NRXN3: variants seen among roughly 807,000 people sequenced by gnomAD.
NRXN3 encodes neurexin 3.
A neutral mutation model predicts 137.6 loss-of-function variants in NRXN3; 32 were observed. The observed-to-expected ratio is 0.23, with a 90% CI of 0.18 to 0.31. The LOEUF (loss-of-function observed/expected upper bound fraction) is 0.31. NRXN3 is among the 10% of genes least tolerant of loss of function. The pLI, the probability that NRXN3 is intolerant of heterozygous loss-of-function variation, is 1.00. For synonymous variants in NRXN3, 798 were observed against 784.5 expected (o/e 1.02, Z -0.29); for missense variants, 1,574 against 2,062.5 (o/e 0.76, Z 4.59).
intron 15 of NRXN3, among the ~76,000 whole-genome samples, chr14:79,274,835 C>T (rs2080024506): frequency 6.6e-6 from 1 of 152,004 alleles, no homozygotes; most frequent in African/African-American, 2.4e-5. Flanking sequence ...CCTATTTCAG[C>T]CACAGGGAGG....
intron 6 of NRXN3, among the ~76,000 whole-genome samples, chr14:78,708,948 TTA>T (rs2098383342): frequency 6.6e-6 from 1 of 152,250 alleles, no homozygotes; most frequent in Non-Finnish European, 1.5e-5. Context: ...ATTTGCAAGC[TTA>T]TGTTGTATAA....
chr14:79,568,009 A>T (rs2097565898), intron 16 of NRXN3, among the ~76,000 whole-genome samples: 1 of 152,180 alleles, frequency 6.6e-6, no homozygotes, highest in Admixed American at 6.6e-5. Context: ...CCAAAACAAG[A>T]GTACCTCTGT....
chr14:78,500,724 C>T (rs1026955410), intron 4 of NRXN3, among the ~76,000 whole-genome samples: 1 of 152,080 alleles, frequency 6.6e-6, no homozygotes, highest in African/African-American at 2.4e-5. Flanking sequence ...AGGAAAAGCT[C>T]CCTTATAATT....
rs1348762100 is a variant in NRXN3 at position 78,943,622 on chromosome 14, ATATATATATATATATATATATATATATAT to A, written c.2276-13619_2276-13591del. Among the ~76,000 whole-genome samples the A allele has an allele frequency of 7.0e-4, 17 of 24,278 alleles. 1 individual carries two copies. The highest frequency in any genetic ancestry group is 1.6e-3 in the South Asian group (1 of 644). The allele number at this position is 24,278 out of a possible 152,430, so 15.9% of individuals were successfully genotyped here. On this transcript the variant is annotated intron_variant, in intron 10 of 20. Coordinates refer to ENST00000335750, the MANE Select transcript of NRXN3 (RefSeq NM_001330195.2). ...GCAAGATCACTGTTAAAAAAAAAAAATATATATATATATATATATATATATATATATATATATATATATATATATATATA... is the reference window on the plus strand; with the variant it reads ...GCAAGATCACTGTTAAAAAAAAAAAAATATATATATATATATATATATATA...
intron 4 of NRXN3, among the ~76,000 whole-genome samples, chr14:78,298,155 C>T (rs1418847187): frequency 3.3e-5 from 5 of 152,222 alleles, no homozygotes; most frequent in African/African-American, 4.8e-5. Flanking sequence ...CCAGGCATGA[C>T]GGTGTCGATA....
intron 15 of NRXN3, chr14:79,279,248 T>A (rs1314885409): frequency 1.6e-6 from 1 of 628,070 alleles, no homozygotes; most frequent in Non-Finnish European, 2.0e-6. Context: ...GGATTCCGGG[T>A]CGCTCTGGCC....
chr14:79,276,530 A>G (rs932542359), intron 15 of NRXN3, among the ~76,000 whole-genome samples: 1 of 152,186 alleles, frequency 6.6e-6, no homozygotes, highest in African/African-American at 2.4e-5. Context: ...AATTATAAGT[A>G]TGACAAGTGA....
chr14:79,252,735 G>C (rs1173952652), intron 15 of NRXN3, among the ~76,000 whole-genome samples: 1 of 152,202 alleles, frequency 6.6e-6, no homozygotes. Context: ...AAATACAACA[G>C]AGGAGTGAGG....
Position 79,063,886 on chromosome 14 carries a change from T to A in NRXN3, c.3262+75745T>A, listed in dbSNP as rs577026601. Among the ~76,000 whole-genome samples the A allele has an allele frequency of 7.2e-5, 11 of 152,270 alleles. No individual in the cohort carries two copies. The East Asian group carries it at 2.1e-3, about 29-fold the overall frequency. ...ATATTGACTTGAGAAAAAATAAAAA[T>A]ATTGATACAGAAAAAAGAGAATGCA... On this transcript the variant is annotated intron_variant, in intron 15 of 20. Coordinates refer to ENST00000335750, the MANE Select transcript of NRXN3 (RefSeq NM_001330195.2).
intron 16 of NRXN3, among the ~76,000 whole-genome samples, chr14:79,597,381 T>G (rs144891658): frequency 6.6e-6 from 1 of 152,182 alleles, no homozygotes; most frequent in Non-Finnish European, 1.5e-5. Flanking sequence ...GTGATTTAAA[T>G]TAGTTTGCAT....
chr14:78,964,436 A>G (rs572030199), intron 11 of NRXN3, among the ~76,000 whole-genome samples: 2 of 152,190 alleles, frequency 1.3e-5, no homozygotes, highest in Non-Finnish European at 2.9e-5. Context: ...GACATTTCTG[A>G]AGGCAGCTTG....
intron 4 of NRXN3, among the ~76,000 whole-genome samples, chr14:78,566,380 G>GTT (rs11295522): frequency 3.4e-5 from 5 of 146,210 alleles, no homozygotes; most frequent in African/African-American, 5.0e-5. Flanking sequence ...TAAAATGTTG[G>GTT]TTTTTTTTTT....
At chr14:79,431,659 G>A (rs557812660) in intron 15 of NRXN3, among the ~76,000 whole-genome samples, 1 of 152,142 alleles carries the variant, frequency 6.6e-6, no homozygotes, top group Admixed American at 6.5e-5. Flanking sequence ...AAGTTTGCAA[G>A]TACCAGGTAT....
intron 4 of NRXN3, among the ~76,000 whole-genome samples, chr14:78,487,619 C>T (rs998117370): frequency 2.0e-5 from 3 of 151,862 alleles, no homozygotes; most frequent in Non-Finnish European, 4.4e-5. Context: ...GCATGCATCT[C>T]TAGTCCCAGC....
chr14:79,026,975 TA>T (rs375579016), intron 15 of NRXN3, among the ~76,000 whole-genome samples: 1 of 2,626 alleles, frequency 3.8e-4, no homozygotes, highest in African/African-American at 6.7e-4. Context: ...TATATATATA[TA>T]TATATATATA....
intron 19 of NRXN3, among the ~76,000 whole-genome samples, chr14:79,702,652 G>A (rs939136620): frequency 1.3e-5 from 2 of 151,998 alleles, no homozygotes; most frequent in Non-Finnish European, 2.9e-5. Flanking sequence ...ATCTTGGCCT[G>A]AAACTTTGCC....
chr14:79,755,288 ATTTTGTTGTATTATT>A (rs2099015477), intron 19 of NRXN3, among the ~76,000 whole-genome samples: 1 of 152,054 alleles, frequency 6.6e-6, no homozygotes, highest in Non-Finnish European at 1.5e-5. Context: ...AAATTTGTAT[ATTTTGTTGTATTATT>A]TATATTTTTG....
intron 4 of NRXN3, among the ~76,000 whole-genome samples, chr14:78,495,465 T>G (rs758150052): frequency 6.6e-6 from 1 of 152,140 alleles, no homozygotes; most frequent in Admixed American, 6.6e-5. Context: ...GAGGTAGCAT[T>G]GGTTGAACAC....
intron 10 of NRXN3, among the ~76,000 whole-genome samples, chr14:78,858,640 C>T (rs1406233238): frequency 6.6e-6 from 1 of 152,180 alleles, no homozygotes; most frequent in Non-Finnish European, 1.5e-5. Flanking sequence ...TACTCTGTCT[C>T]ACCCTGACAT....
Sources: allele counts gnomAD v4.1 joint callset (sites outside exome capture counted in the v4.1 genomes callset), GRCh38; gene constraint gnomAD v4.1.1; transcripts MANE v1.5; gene names NCBI Gene and HGNC (gene_info 2026-07-23, HGNC 2026-07-21).